Variants in TUBB6 observed in about 807,000 individuals in gnomAD.
The protein encoded by TUBB6 is tubulin beta 6 class V.
In TUBB6, 18 loss-of-function variants were observed where a neutral mutation model predicts 32.3. That is an observed-to-expected ratio of 0.56 (90% CI 0.39 to 0.83). The LOEUF (loss-of-function observed/expected upper bound fraction) is 0.83, where lower values mean the gene tolerates loss of function less well. Ranked by LOEUF, TUBB6 falls within the 40% of genes least tolerant of loss-of-function variation. TUBB6 has a pLI of 0.00. For synonymous variants in TUBB6, 280 were observed against 265.8 expected, an observed-to-expected ratio of 1.05 and a Z score of -0.52; for missense variants, 480 against 632.0, an observed-to-expected ratio of 0.76 and a Z score of 2.58.
intron 3 of TUBB6, among the ~76,000 whole-genome samples, chr18:12,312,938 G>GC (rs1906465647): frequency 2.1e-5 from 3 of 141,254 alleles, no homozygotes. Flanking sequence ...GGCGGAGGTT[G>GC]GGGTGAACCA....
downstream of TUBB6, chr18:12,329,158 G>A (rs1907427645): frequency 1.4e-6 from 1 of 702,980 alleles, no homozygotes; most frequent in Non-Finnish European, 2.6e-6. Flanking sequence ...CATCTGCACA[G>A]GGGAACTGAG....
chr18:12,325,162 G>A lies in TUBB6; in HGVS notation c.373G>A (p.Glu125Lys), dbSNP rs1350346094. 1 of 1,613,728 alleles carries A rather than the reference G, an allele frequency of 6.2e-7. No individual in the cohort carries two copies. The highest frequency in any genetic ancestry group is 1.1e-5 in the South Asian group (1 of 91,012). ...GCTGGACGTGGTGCGGAAGGAGTGC[G>A]AGCACTGCGACTGCCTGCAGGGCTT... ...AVLDVVRKEC[E>K]HCDCLQGFQL... is the part of the protein sequence containing the mutation. The change falls in exon 4 of 4, where the codon GAG becomes AAG. Residue 125 changes from glutamate (E) to lysine (K), a missense_variant. Glu to Lys is a moderately conservative substitution (Grantham distance 56). Coordinates refer to ENST00000317702, the MANE Select transcript of TUBB6 (RefSeq NM_032525.3).
intron 2 of TUBB6, among the ~76,000 whole-genome samples, chr18:12,310,702 T>C (rs945628524): frequency 2.0e-5 from 3 of 152,104 alleles, no homozygotes; most frequent in African/African-American, 4.8e-5. Flanking sequence ...TTGCCCAGGC[T>C]GGTCTTGAAC....
intron 3 of TUBB6, among the ~76,000 whole-genome samples, chr18:12,319,582 C>T (rs148543036): frequency 2.1e-4 from 32 of 152,272 alleles, no homozygotes; most frequent in Non-Finnish European, 4.1e-4. Context: ...AGACATCCTC[C>T]GTGACAGTCA....
At chr18:12,322,722 T>C (rs757912160) in intron 3 of TUBB6, among the ~76,000 whole-genome samples, 4 of 152,210 alleles carry the variant, frequency 2.6e-5, no homozygotes, top group Admixed American at 2.6e-4. Context: ...TTAAGAGGAA[T>C]AGAATTGATC....
chr18:12,321,362 G>A (rs1439543592), intron 3 of TUBB6, among the ~76,000 whole-genome samples: 25 of 152,180 alleles, frequency 1.6e-4, no homozygotes, highest in Non-Finnish European at 1.9e-4. Flanking sequence ...GAGCCACTGT[G>A]TAAGGCTGCA....
chr18:12,318,834 T>C (rs190891479), intron 3 of TUBB6, among the ~76,000 whole-genome samples: 2 of 152,268 alleles, frequency 1.3e-5, no homozygotes, highest in South Asian at 2.1e-4. Flanking sequence ...CATAGCTCAC[T>C]GTAGCCTCAA....
intron 2 of TUBB6, among the ~76,000 whole-genome samples, chr18:12,310,688 T>C (rs1360965845): frequency 6.6e-6 from 1 of 152,076 alleles, no homozygotes; most frequent in Non-Finnish European, 1.5e-5. Context: ...AGGGTTTTGC[T>C]CTGTTGCCCA....
chr18:12,310,710 A>C (rs1906327190), intron 2 of TUBB6, among the ~76,000 whole-genome samples: 1 of 152,062 alleles, frequency 6.6e-6, no homozygotes, highest in Admixed American at 6.6e-5. Context: ...GCTGGTCTTG[A>C]ACTCCTGGGC....
chr18:12,308,358 G>A lies in TUBB6; in HGVS notation c.57+9G>A. 1 of 1,466,916 alleles carries A rather than the reference G, an allele frequency of 6.8e-7. No homozygotes were observed. The highest frequency in any genetic ancestry group is 1.3e-5 in the South Asian group (1 of 76,088). 90.9% of individuals were successfully genotyped at this position (1,466,916 alleles called of 1,614,324 possible). On this transcript the variant is annotated intron_variant, in intron 1 of 3. Coordinates refer to ENST00000317702, the MANE Select transcript of TUBB6 (RefSeq NM_032525.3). ...ACCAGATCGGCACCAAGGTGGGCCT[G>A]GCGCGGTGCAGGGCCTCTCCGCGGG...
upstream of TUBB6, chr18:12,308,190 C>A (rs1006165885): frequency 6.1e-5 from 47 of 766,674 alleles, no homozygotes; most frequent in Non-Finnish European, 7.4e-5. Context: ...AGCGGCGGGG[C>A]GGGGGCGGGG....
Position 12,318,067 on chromosome 18 carries a change from C to T in TUBB6, c.278-7000C>T, listed in dbSNP as rs559836625. Among the ~76,000 whole-genome samples the T allele has an allele frequency of 5.0e-4, 76 of 152,182 alleles. 2 individuals are homozygous for T. The South Asian group carries it at 0.015, about 30-fold the overall frequency. ...CTGATTGATTGGGGTTCTATGTTTG[C>T]CAAAAGCCACCTACTATTTTCAGTT... On this transcript the variant is annotated intron_variant, in intron 3 of 3. Transcript: ENST00000317702.
chr18:12,315,458 G>A lies in TUBB6; in HGVS notation c.277+4405G>A, dbSNP rs143738643. Among the ~76,000 whole-genome samples the A allele has an allele frequency of 4.1e-4, 62 of 152,338 alleles. 1 individual carries two copies. In the East Asian group the frequency reaches 6.7e-3, roughly 17 times the overall value. ...AATGCCACCAGCAGTGTCTGAGAGC[G>A]TAGTTTTTGCTGCACTTTTGCCTGA... On this transcript the variant is annotated intron_variant, in intron 3 of 3. Coordinates refer to ENST00000317702, the MANE Select transcript of TUBB6 (RefSeq NM_032525.3).
Position 12,308,935 on chromosome 18 carries a change from C to G in TUBB6, c.166+140C>G. 5 of 638,092 alleles carry G rather than the reference C, an allele frequency of 7.8e-6. No individual in the cohort carries two copies. The East Asian group carries it at 1.4e-4, about 18-fold the overall frequency. 39.5% of individuals were successfully genotyped at this position (638,092 alleles called of 1,614,324 possible). On this transcript the variant is annotated intron_variant, in intron 2 of 3. Transcript: ENST00000317702. ...TGCCCGGCCACTCCCTTCGCTCCTC[C>G]GGGGCGGGAAATCCGCCGTCAGTTT...
chr18:12,324,541 C>G (rs1907166934), intron 3 of TUBB6, among the ~76,000 whole-genome samples: 1 of 150,782 alleles, frequency 6.6e-6, no homozygotes, highest in Non-Finnish European at 1.5e-5. Flanking sequence ...CTCCCAGGTC[C>G]CAGGTTCAAG....
Position 12,325,742 on chromosome 18 carries a change from G to A in TUBB6, c.953G>A (p.Arg318His), listed in dbSNP as rs1317110329. The change falls in exon 4 of 4, where the codon CGC (arginine) becomes CAC (histidine). Residue 318 changes from arginine to histidine, a missense_variant. Transcript: ENST00000317702. ...GRYLTVATVF[R>H]GPMSMKEVDE... ...TACCTGACCGTGGCCACCGTGTTCC[G>A]CGGGCCCATGTCCATGAAGGAGGTG... 1.2e-6 allele frequency: 2 copies of A among 1,614,234 alleles called. No homozygotes were observed. The highest frequency in any genetic ancestry group is 1.7e-5 in the Admixed American group (1 of 60,028).
intron 1 of TUBB6, 104 bp from the exon 2 acceptor site, chr18:12,308,583 G>A: frequency 1.1e-6 from 1 of 916,440 alleles, no homozygotes; most frequent in Non-Finnish European, 1.7e-6. Flanking sequence ...GGCGGCTCAG[G>A]CGCGCCTGGA....
At chr18:12,319,068 T>C (rs1906827485) in intron 3 of TUBB6, among the ~76,000 whole-genome samples, 1 of 152,154 alleles carries the variant, frequency 6.6e-6, no homozygotes, top group African/African-American at 2.4e-5. Flanking sequence ...TGAGGTTTTA[T>C]TCCCTAGGGG....
intron 3 of TUBB6, among the ~76,000 whole-genome samples, chr18:12,312,553 G>A (rs866118944): frequency 6.6e-6 from 1 of 152,132 alleles, no homozygotes; most frequent in South Asian, 2.1e-4. Flanking sequence ...TACAAAATAA[G>A]TGTTTGAGAA....
Sources: allele counts gnomAD v4.1 joint callset (sites outside exome capture counted in the v4.1 genomes callset), GRCh38; gene constraint gnomAD v4.1.1; transcripts MANE v1.5; gene names NCBI Gene and HGNC (gene_info 2026-07-23, HGNC 2026-07-21).